The following ANKHD1 variants were observed in gnomAD, a reference collection of about 807,000 sequenced individuals.
The protein encoded by ANKHD1 is ankyrin repeat and KH domain-containing protein 1.
A neutral mutation model predicts 230.5 loss-of-function variants in ANKHD1; 31 were observed. The ratio of observed to expected loss-of-function variants is 0.13; its 90% CI spans 0.10 to 0.18. The LOEUF (loss-of-function observed/expected upper bound fraction) is 0.18, where lower values mean the gene tolerates loss of function less well. Among genes scored for constraint, ANKHD1 ranks in the 10% least tolerant of loss-of-function variants. ANKHD1 has a pLI of 1.00. For missense variants in ANKHD1, 2,256 were observed against 3,071.3 expected (o/e 0.73, Z 6.27); for synonymous variants, 1,074 against 1,117.6 (o/e 0.96, Z 0.78).
At chr5:140,513,653 A>G (rs1189099956) in intron 24 of ANKHD1, among the ~76,000 whole-genome samples, 174 bp downstream of exon 24, 1 of 152,130 alleles carries the variant, frequency 6.6e-6, no homozygotes, top group African/African-American at 2.4e-5. Context: ...TACTAAAAAT[A>G]CAAAAATTAG....
chr5:140,527,758 T>G lies in ANKHD1; in HGVS notation c.5088-115T>G. On this transcript the variant is annotated intron_variant, in intron 27 of 33. Transcript: ENST00000360839. The surrounding 1 kb of genome is among the most constrained non-coding windows in gnomAD (Gnocchi z 4.5). ...ATAAAAACTTTTAATAATTTCCTCT[T>G]TAGCATTTAAGAAATGTTATTCTCC... 8.1e-7 allele frequency: 1 copy of G among 1,242,054 alleles called. No individual in the cohort carries two copies. Among genetic ancestry groups the G allele is most frequent in the Non-Finnish European group, 1.0e-6 (1 of 953,958 alleles). 76.9% of individuals were successfully genotyped at this position (1,242,054 alleles called of 1,614,324 possible).
At chr5:140,425,841 G>T (rs938603481) in intron 1 of ANKHD1, among the ~76,000 whole-genome samples, 2 of 152,110 alleles carry the variant, frequency 1.3e-5, no homozygotes, top group African/African-American at 4.8e-5. Context: ...GAATTTTGGA[G>T]TACTGTGTGT....
chr5:140,535,336 G>T, intron 29 of ANKHD1, 26 bp from the exon 30 acceptor site: 2 of 1,531,728 alleles, frequency 1.3e-6, no homozygotes, highest in Non-Finnish European at 1.8e-6. Context: ...TAGCTAATTG[G>T]ATGTCTTGGA....
chr5:140,506,038 C>A lies in ANKHD1; in HGVS notation c.3408+169C>A, dbSNP rs779720759. 8.5e-5 allele frequency among the ~76,000 whole-genome samples: 13 copies of A among 152,128 alleles called. No individual in the cohort carries two copies. The highest frequency in any genetic ancestry group is 3.1e-4 in the African/African-American group (13 of 41,420). ...AGGCTAGAGTACAGTGGTGCAATTA[C>A]AGCTCGCTATAACCTTGAACTCTGG... On this transcript the variant is annotated intron_variant, in intron 18 of 33. Transcript: ENST00000360839. This position sits in a 1 kb window ranked among gnomAD's most constrained non-coding sequence, Gnocchi z 4.7.
intron 15 of ANKHD1, among the ~76,000 whole-genome samples, chr5:140,501,306 CTGACCTCG>C: frequency 1.3e-5 from 2 of 151,804 alleles, no homozygotes; most frequent in Middle Eastern, 3.4e-3. Flanking sequence ...TCTCAAACTC[CTGACCTCG>C]TGATCTGCCC....
At chr5:140,473,131 C>T (rs1044469343) in intron 10 of ANKHD1, among the ~76,000 whole-genome samples, 3 of 150,364 alleles carry the variant, frequency 2.0e-5, no homozygotes, top group South Asian at 2.1e-4. Flanking sequence ...TGGGTTCAAG[C>T]GATTATCCTG....
Position 140,450,829 on chromosome 5 carries a change from A to G in ANKHD1, c.1242+1524A>G, listed in dbSNP as rs139995647. Among the ~76,000 whole-genome samples the G allele has an allele frequency of 2.0e-5, 3 of 152,072 alleles. No homozygotes were observed. In the East Asian group the frequency reaches 5.8e-4, roughly 29 times the overall value. ...ATTCCCCTCTTAATATATGTATGCAAGATATGTTAGCAGAATCTATCAAAA... is the reference window on the plus strand; with the variant it reads ...ATTCCCCTCTTAATATATGTATGCAGGATATGTTAGCAGAATCTATCAAAA... On this transcript the variant is annotated intron_variant, in intron 7 of 33. Transcript: ENST00000360839.
At chr5:140,538,851 ATGG>A in intron 32 of ANKHD1, 65 bp from the exon 33 acceptor site, 1 of 1,347,794 alleles carries the variant, frequency 7.4e-7, no homozygotes, top group Non-Finnish European at 9.6e-7. Flanking sequence ...AGCTGGTATT[ATGG>A]GATTTATAGT....
chr5:140,477,447 A>C (rs902064435), intron 10 of ANKHD1, among the ~76,000 whole-genome samples: 2 of 152,174 alleles, frequency 1.3e-5, no homozygotes, highest in Non-Finnish European at 2.9e-5. Flanking sequence ...TTTCCAATAC[A>C]TGGAATATTT....
Position 140,507,028 on chromosome 5 carries a change from C to T in ANKHD1, c.3551+51C>T, listed in dbSNP as rs978396087. The stretch of plus-strand genomic sequence containing the variant: ...ATGTTTAGTAAGTTACTACTTTGGA[C>T]TTAAATGTCTACCTCTTAACGTTTA... On this transcript the variant is annotated intron_variant, in intron 19 of 33. Transcript: ENST00000360839. This position sits in a 1 kb window ranked among gnomAD's most constrained non-coding sequence, Gnocchi z 4.1. The T allele has an allele frequency of 4.4e-6, 7 of 1,595,420 alleles. No individual in the cohort carries two copies. The highest frequency in any genetic ancestry group is 4.3e-6 in the Non-Finnish European group (5 of 1,173,116).
intron 10 of ANKHD1, among the ~76,000 whole-genome samples, chr5:140,469,616 G>A (rs1318306610): frequency 6.6e-6 from 1 of 152,056 alleles, no homozygotes; most frequent in African/African-American, 2.4e-5. Context: ...TTACTTTCTG[G>A]AAGTATGTGA....
At position 140,496,444 on chromosome 5, in the gene ANKHD1, TTTTTTTTTTTTCTTTTC is replaced by T; in HGVS notation, c.2246-64_2246-48del. On this transcript the variant is annotated intron_variant, in intron 14 of 33. Coordinates refer to ENST00000360839, the MANE Select transcript of ANKHD1 (RefSeq NM_017747.3). ...TGTGTGGGAGGGGAGGCTGGTTTTCTTTTTTTTTTTTCTTTTCTTTTTTTTTTTTTTTTTTTTTAGCA... is the reference window on the plus strand; with the variant it reads ...TGTGTGGGAGGGGAGGCTGGTTTTCTTTTTTTTTTTTTTTTTTTTTTAGCA... The T allele has an allele frequency of 1.0e-5, 6 of 588,860 alleles. No homozygotes were observed. The East Asian group carries it at 4.1e-4, about 40-fold the overall frequency. The allele number at this position is 588,860 out of a possible 1,614,324, so 36.5% of individuals were successfully genotyped here. A position where few individuals can be genotyped will look rare whatever the true frequency, so the allele number is the denominator to read the frequency against.
chr5:140,407,842 TTGTGTGTGTA>T (rs1469842739), intron 1 of ANKHD1, among the ~76,000 whole-genome samples: 4 of 151,954 alleles, frequency 2.6e-5, no homozygotes, highest in Non-Finnish European at 5.9e-5. Context: ...ATATGTGTGT[TTGTGTGTGTA>T]TGTGTGTGTG....
chr5:140,441,391 A>G (rs1773834248), intron 5 of ANKHD1, among the ~76,000 whole-genome samples: 1 of 152,206 alleles, frequency 6.6e-6, no homozygotes, highest in Admixed American at 6.5e-5. Context: ...TTCAGACTTA[A>G]AAAAGGAGGA....
At chr5:140,529,842 C>T (rs769147558) in intron 29 of ANKHD1, 46 bp downstream of exon 29, 1 of 1,590,080 alleles carries the variant, frequency 6.3e-7, no homozygotes, top group Non-Finnish European at 8.6e-7. Flanking sequence ...GCTCCTATGG[C>T]CTAATCTCAC....
chr5:140,517,167 C>T (rs1238087570), intron 24 of ANKHD1, among the ~76,000 whole-genome samples: 6 of 146,934 alleles, frequency 4.1e-5, no homozygotes, highest in African/African-American at 1.5e-4. Context: ...AGACTTTAAA[C>T]CAACAAAGAT....
intron 11 of ANKHD1, chr5:140,484,913 G>A (rs1561787218): frequency 1.4e-6 from 1 of 702,032 alleles, no homozygotes; most frequent in South Asian, 3.2e-5. Flanking sequence ...GGGGCTTTTG[G>A]TATGTGGATA....
intron 32 of ANKHD1, 33 bp from the exon 33 acceptor site, chr5:140,538,886 T>C: frequency 6.8e-7 from 1 of 1,462,766 alleles, no homozygotes; most frequent in Non-Finnish European, 9.1e-7. Context: ...TTATAGTAAT[T>C]TTAAGATTAA....
intron 29 of ANKHD1, among the ~76,000 whole-genome samples, chr5:140,532,044 T>A (rs1442249856): frequency 6.6e-6 from 1 of 151,778 alleles, no homozygotes; most frequent in African/African-American, 2.4e-5. Flanking sequence ...CTGTCTCTAC[T>A]AAAATACAAA....
Sources: gnomAD v4.1 joint callset for allele counts (sites outside exome capture counted in the v4.1 genomes callset) on GRCh38, gnomAD v4.1.1 for gene constraint, Gnocchi (gnomAD v3.1) non-coding constraint, MANE v1.5 for transcripts, NCBI Gene and HGNC (gene_info 2026-07-23, HGNC 2026-07-21) for gene names.